Variants in PABPN1 observed in about 807,000 individuals in gnomAD.
The protein encoded by PABPN1 is poly(A) binding protein nuclear 1.
Under a neutral mutation model 33.4 loss-of-function variants are expected in PABPN1, and 5 were observed. That is an observed-to-expected ratio of 0.15 (90% confidence interval 0.08 to 0.32). PABPN1 has a LOEUF of 0.32. Among genes scored for constraint, PABPN1 ranks in the 10% least tolerant of loss-of-function variants. The pLI is 1.00. For missense variants in PABPN1, 312 were observed against 425.8 expected (o/e 0.73, Z 2.35); for synonymous variants, 176 against 170.6 (o/e 1.03, Z -0.25).
In PABPN1 at chr14:23,325,553, G is replaced by A. The variant is rs546789070; in HGVS notation, c.*267G>A. On this transcript the variant is annotated 3_prime_UTR_variant, in exon 7 of 7. Transcript: ENST00000216727. Reference sequence around the variant, plus strand: ...TTCGCCATGGACACGTCTCAACTGCGCAAGCTGCTGCCCATGTTTCCCTGC... The same window carrying A: ...TTCGCCATGGACACGTCTCAACTGCACAAGCTGCTGCCCATGTTTCCCTGC... 3.9e-5 allele frequency: 18 copies of A among 462,494 alleles called. No homozygotes were observed. Among genetic ancestry groups the A allele is most frequent in the South Asian group, 5.8e-5 (2 of 34,532 alleles). The allele number at this position is 462,494 out of a possible 1,614,324, so 28.6% of individuals were successfully genotyped here. A position where few individuals can be genotyped will look rare whatever the true frequency, so the allele number is the denominator to read the frequency against.
rs1464658201 is a variant in PABPN1 at position 23,323,617 on chromosome 14, T to C, written c.641+134T>C. The C allele has an allele frequency of 7.6e-6, 7 of 922,346 alleles. No homozygotes were observed. The East Asian group carries it at 1.3e-4, about 17-fold the overall frequency. 57.1% of individuals were successfully genotyped at this position (922,346 alleles called of 1,614,324 possible). A position where few individuals can be genotyped will look rare whatever the true frequency, so the allele number is the denominator to read the frequency against. ...GTCATTTAAGATCATGGCATTAATG[T>C]TGATATATCAGGAGTTGCACCTAAA... is the stretch of plus-strand genomic sequence containing the variant. On this transcript the variant is annotated intron_variant, in intron 4 of 6. Transcript: ENST00000216727.
In PABPN1 at chr14:23,324,215, G is replaced by A; in HGVS notation, c.807G>A (p.Arg269=). 1 of 1,614,138 alleles carries A rather than the reference G, an allele frequency of 6.2e-7. No homozygotes were observed. Among genetic ancestry groups the A allele is most frequent in the African/African-American group, 1.3e-5 (1 of 75,030 alleles). ...RGFPRARYRA[R]TTNYNSSRSR... ...TTCCACGAGCCCGCTACCGCGCCCG[G>A]ACCACCAACTACAACAGCTCCCGCT... is the stretch of plus-strand genomic sequence containing the variant. Residue 269 remains arginine (R), a synonymous_variant, in exon 6 of 7, where the codon CGG becomes CGA. Coordinates refer to ENST00000216727, the MANE Select transcript of PABPN1 (RefSeq NM_004643.4).
intron 6 of PABPN1, 126 bp downstream of exon 6, chr14:23,324,415 G>T: frequency 1.5e-6 from 2 of 1,337,668 alleles, no homozygotes; most frequent in South Asian, 1.2e-5. Context: ...TTTGTCTCCT[G>T]CCTGTGCAGG....
In PABPN1 at chr14:23,325,943, T is replaced by G. The variant is rs926828792; in HGVS notation, c.*657T>G. ...CTTCCCCCTGGGGAAATGCACTACC[T>G]TGTTTTGGGGGGTTTAGGGGTGTTT... On this transcript the variant is annotated 3_prime_UTR_variant, in exon 7 of 7. Transcript: ENST00000216727. 19 of 152,730 alleles carry G rather than the reference T, an allele frequency of 1.2e-4. No individual in the cohort carries two copies. The highest frequency in any genetic ancestry group is 4.3e-4 in the African/African-American group (18 of 41,560). The allele number at this position is 152,730 out of a possible 1,614,324, so 9.5% of individuals were successfully genotyped here. A position where few individuals can be genotyped will look rare whatever the true frequency, so the allele number is the denominator to read the frequency against.
chr14:23,321,752 A>G lies in PABPN1; in HGVS notation c.283A>G (p.Ser95Gly), dbSNP rs768844162. ...GPGPGSGAPG[S>G]QEEEEEPGLV... Reference sequence around the variant, plus strand: ...TGGGCCTGGTTCGGGAGCCCCCGGCAGCCAAGAGGAGGAGGAGGAGCCGGG... The same window carrying G: ...TGGGCCTGGTTCGGGAGCCCCCGGCGGCCAAGAGGAGGAGGAGGAGCCGGG... Residue 95 changes from serine (S) to glycine (G), a missense_variant, in exon 1 of 7, where the codon AGC becomes GGC. Ser to Gly is a moderately conservative substitution (Grantham distance 56, BLOSUM62 0). Coordinates refer to ENST00000216727, the MANE Select transcript of PABPN1 (RefSeq NM_004643.4). 6.5e-6 allele frequency: 10 copies of G among 1,539,298 alleles called. No individual in the cohort carries two copies. The highest frequency in any genetic ancestry group is 3.6e-5 in the South Asian group (3 of 83,064).
At position 23,321,714 on chromosome 14, in the gene PABPN1, G is replaced by C; in HGVS notation, c.245G>C (p.Gly82Ala). 1 of 1,542,450 alleles carries C rather than the reference G, an allele frequency of 6.5e-7. No homozygotes were observed. The highest frequency in any genetic ancestry group is 8.7e-7 in the Non-Finnish European group (1 of 1,143,832). ...EEPPRPRAPP[G>A]APGPGPGSGA... Reference sequence around the variant, plus strand: ...CCGCCCCGGCCCCGCGCCCCCCCGGGAGCTCCGGGCCCTGGGCCTGGTTCG... The same window carrying C: ...CCGCCCCGGCCCCGCGCCCCCCCGGCAGCTCCGGGCCCTGGGCCTGGTTCG... Residue 82 changes from glycine (G) to alanine (A), a missense_variant, in exon 1 of 7, where the codon GGA (glycine) becomes GCA (alanine). Transcript: ENST00000216727.
rs191806011 is a variant in PABPN1 at position 23,322,154 on chromosome 14, C to T, written c.352-27C>T. 3.3e-4 allele frequency: 529 copies of T among 1,583,414 alleles called. 2 individuals are homozygous for T. The African/African-American group carries it at 6.0e-3, about 18-fold the overall frequency. On this transcript the variant is annotated intron_variant, in intron 1 of 6. Transcript: ENST00000216727. ...CCTGCGTTGGTTCCTCTTAAGCTGTCCTCCATACCCTCCCCACTTATATTA... is the reference window on the plus strand; with the variant it reads ...CCTGCGTTGGTTCCTCTTAAGCTGTTCTCCATACCCTCCCCACTTATATTA...
At chr14:23,322,142 C>G (rs747515209) in intron 1 of PABPN1, 39 bp from the exon 2 acceptor site, 4 of 1,570,056 alleles carry the variant, frequency 2.5e-6, no homozygotes, top group Middle Eastern at 3.6e-4. Context: ...GCGTTGGTTC[C>G]TCTTAAGCTG....
rs1391157737 is a variant in PABPN1 at position 23,323,371 on chromosome 14, C to A, written c.535-6C>A. 9 of 1,612,688 alleles carry A rather than the reference C, an allele frequency of 5.6e-6. No homozygotes were observed. The highest frequency in any genetic ancestry group is 4.2e-6 in the Non-Finnish European group (5 of 1,179,864). ...GGTGCCTGTGAAATTTTTCTCCTCT[C>A]ATCAGGTGGACTATGGTGCAACAGC... On this transcript the variant is annotated splice_region_variant and splice_polypyrimidine_tract_variant and intron_variant, in intron 3 of 6. Transcript: ENST00000216727.
rs1396746858 is a variant in PABPN1, at chr14:23,323,955, T to C, written c.642-10T>C. The C allele has an allele frequency of 1.2e-6, 2 of 1,613,866 alleles. No homozygotes were observed. Among genetic ancestry groups the C allele is most frequent in the Non-Finnish European group, 1.7e-6 (2 of 1,180,020 alleles). ...TAACCTCAGAGAGATACAATGACAA[T>C]TCTTTTCAGGTTTGCGTATATAGAG... On this transcript the variant is annotated splice_polypyrimidine_tract_variant and intron_variant, in intron 4 of 6. Coordinates refer to ENST00000216727, the MANE Select transcript of PABPN1 (RefSeq NM_004643.4).
chr14:23,323,212 C>G, intron 3 of PABPN1, 146 bp downstream of exon 3: 8 of 1,273,672 alleles, frequency 6.3e-6, no homozygotes, highest in East Asian at 2.4e-5. Flanking sequence ...ATGGAATGAT[C>G]AGTAATCAGC....
chr14:23,323,084 G>GACAC lies in PABPN1; in HGVS notation c.534+20_534+21insACAC, dbSNP rs1404846722. The GACAC allele has an allele frequency of 1.9e-6, 3 of 1,614,026 alleles. No homozygotes were observed. The East Asian group carries it at 6.7e-5, about 36-fold the overall frequency. On this transcript the variant is annotated intron_variant, in intron 3 of 6. Coordinates refer to ENST00000216727, the MANE Select transcript of PABPN1 (RefSeq NM_004643.4). ...TTGGCAATGTACGTACTGGGGCTCT[G>GACAC]ACTGGGGTTGGGGGCAAGTTCTTCT...
chr14:23,324,412 C>T (rs1409479523), intron 6 of PABPN1, 123 bp downstream of exon 6: 17 of 1,257,980 alleles, frequency 1.4e-5, no homozygotes, highest in Admixed American at 5.6e-5. Context: ...AACTTTGTCT[C>T]CTGCCTGTGC....
chr14:23,323,580 CA>C, intron 4 of PABPN1, 97 bp downstream of exon 4: 1 of 1,150,918 alleles, frequency 8.7e-7, no homozygotes, highest in Non-Finnish European at 1.3e-6. Flanking sequence ...GGTGTTAACA[CA>C]GGTGATCTGT....
In PABPN1 at chr14:23,325,587, A is replaced by T. The variant is rs926776293; in HGVS notation, c.*301A>T. The T allele has an allele frequency of 7.8e-6, 3 of 384,112 alleles. No homozygotes were observed. Among genetic ancestry groups the T allele is most frequent in the African/African-American group, 4.1e-5 (2 of 48,332 alleles). The allele number at this position is 384,112 out of a possible 1,614,324, so 23.8% of individuals were successfully genotyped here. Reference sequence around the variant, plus strand: ...TGCCCATGTTTCCCTGCCCCACTTCACCCCCTTGGGGGCTGCTCAAGGGTA... The same window carrying T: ...TGCCCATGTTTCCCTGCCCCACTTCTCCCCCTTGGGGGCTGCTCAAGGGTA... On this transcript the variant is annotated 3_prime_UTR_variant, in exon 7 of 7. Coordinates refer to ENST00000216727, the MANE Select transcript of PABPN1 (RefSeq NM_004643.4).
chr14:23,323,597 T>A (rs1488973604), intron 4 of PABPN1, 114 bp downstream of exon 4: 6 of 1,010,678 alleles, frequency 5.9e-6, no homozygotes, highest in African/African-American at 1.6e-5. Context: ...TCTGTGTCAT[T>A]TAAGATCATG....
intron 6 of PABPN1, chr14:23,324,959 G>A: frequency 2.5e-6 from 1 of 407,546 alleles, no homozygotes; most frequent in Non-Finnish European, 4.4e-6. Flanking sequence ...GAGCTGTGGA[G>A]GACTGAAAAC....
At position 23,325,967 on chromosome 14, in the gene PABPN1, T is replaced by A. The variant is rs576470434; in HGVS notation, c.*681T>A. 2 of 151,250 alleles carry A rather than the reference T, an allele frequency of 1.3e-5. No individual in the cohort carries two copies. The highest frequency in any genetic ancestry group is 2.9e-5 in the Non-Finnish European group (2 of 67,872). The allele number at this position is 151,250 out of a possible 1,614,324, so 9.4% of individuals were successfully genotyped here. A position where few individuals can be genotyped will look rare whatever the true frequency, so the allele number is the denominator to read the frequency against. ...CTTGTTTTGGGGGGTTTAGGGGTGT[T>A]TTTGTTTTTCAGTTGTTTTGTTTTT... is the stretch of plus-strand genomic sequence containing the variant. On this transcript the variant is annotated 3_prime_UTR_variant, in exon 7 of 7. Coordinates refer to ENST00000216727, the MANE Select transcript of PABPN1 (RefSeq NM_004643.4).
Position 23,325,227 on chromosome 14 carries a change from A to G in PABPN1, c.882-20A>G. 6.2e-7 allele frequency: 1 copy of G among 1,611,676 alleles called. No individual in the cohort carries two copies. Among genetic ancestry groups the G allele is most frequent in the South Asian group, 1.1e-5 (1 of 90,980 alleles). The stretch of plus-strand genomic sequence containing the variant: ...TATCTAGTGATCACGTTAACACCTA[A>G]CTCTCCTTCTTTCTTCCAGGGGCCG... On this transcript the variant is annotated intron_variant, in intron 6 of 6. Transcript: ENST00000216727.
Sources: allele counts gnomAD v4.1 joint callset, GRCh38; gene constraint gnomAD v4.1.1; transcripts MANE v1.5; gene names NCBI Gene and HGNC (gene_info 2026-07-23, HGNC 2026-07-21).